Variants in ARHGEF11 observed in about 807,000 individuals in gnomAD.
ARHGEF11 encodes the protein Rho guanine exchange factor (GEF) 11.
ARHGEF11 carries 55 observed loss-of-function variants against 193.7 expected under a neutral mutation model. That is an observed-to-expected ratio of 0.28 (90% confidence interval 0.23 to 0.36). The LOEUF (loss-of-function observed/expected upper bound fraction) is 0.36. ARHGEF11 is among the 10% of genes least tolerant of loss of function. ARHGEF11 has a pLI of 1.00. For synonymous variants in ARHGEF11, 693 were observed against 768.0 expected (o/e 0.90, Z 1.62); for missense variants, 1,723 against 2,005.6 (o/e 0.86, Z 2.69).
intron 2 of ARHGEF11, among the ~76,000 whole-genome samples, chr1:156,984,769 C>T (rs1178991930): frequency 6.6e-6 from 1 of 152,064 alleles, no homozygotes; most frequent in African/African-American, 2.4e-5. Context: ...TCTAGCCATC[C>T]TCCTGAAGAC....
At chr1:156,954,771 A>C in intron 21 of ARHGEF11, 121 bp downstream of exon 21, 1 of 868,950 alleles carries the variant, frequency 1.2e-6, no homozygotes. Context: ...GAGAGAAGAA[A>C]GAAAGGGAGG....
intron 36 of ARHGEF11, 57 bp downstream of exon 36, chr1:156,940,150 C>G: frequency 6.6e-7 from 1 of 1,508,194 alleles, no homozygotes; most frequent in South Asian, 1.3e-5. Context: ...CCTGCCAGTT[C>G]ACACTGGGTG....
chr1:156,964,294 G>A (rs1571274916), intron 11 of ARHGEF11, among the ~76,000 whole-genome samples: 1 of 152,182 alleles, frequency 6.6e-6, no homozygotes, highest in Non-Finnish European at 1.5e-5. Flanking sequence ...CATGGATTAG[G>A]TATGATAAGA....
chr1:156,958,727 A>G lies in ARHGEF11; in HGVS notation c.1502+15T>C, dbSNP rs1660325608. The G allele has an allele frequency of 1.9e-6, 3 of 1,614,156 alleles. No homozygotes were observed. Among genetic ancestry groups the G allele is most frequent in the Non-Finnish European group, 2.5e-6 (3 of 1,180,024 alleles). On this transcript the variant is annotated intron_variant, in intron 17 of 40. Transcript: ENST00000368194. ...TAGGATGTTCAGTGGGGTGGGAGGA[A>G]GCTGAAAGACTCACAAAATATCTCC...
intron 1 of ARHGEF11, among the ~76,000 whole-genome samples, chr1:157,035,829 T>TACAGGA (rs1343688618): frequency 0.17 from 7 of 42 alleles, 2 homozygotes; most frequent in African/African-American, 0.5. Context: ...GGAATATATA[T>TACAGGA]ATGGAATATA....
In ARHGEF11 at chr1:156,941,365, C is replaced by T. The variant is rs546181678; in HGVS notation, c.3514+7G>A. 4 of 1,612,902 alleles carry T rather than the reference C, an allele frequency of 2.5e-6. No homozygotes were observed. Among genetic ancestry groups the T allele is most frequent in the African/African-American group, 2.7e-5 (2 of 74,840 alleles). ...CTGGCTCCCACAGGACAGTTCAGGG[C>T]CCTTACCTCCAGGCAGCTCCTCAGG... is the stretch of plus-strand genomic sequence containing the variant. On this transcript the variant is annotated splice_region_variant and intron_variant, in intron 35 of 40. Transcript: ENST00000368194.
Position 156,947,965 on chromosome 1 carries a change from A to G in ARHGEF11, c.2154-9T>C. On this transcript the variant is annotated splice_polypyrimidine_tract_variant and intron_variant, in intron 24 of 40. Coordinates refer to ENST00000368194, the MANE Select transcript of ARHGEF11 (RefSeq NM_198236.3). Reference sequence around the variant, plus strand: ...TGGGGGACTCAATGCTCCTGGGGGAAAACAGGCAGCTCAGCTTCATTTAGG... The same window carrying G: ...TGGGGGACTCAATGCTCCTGGGGGAGAACAGGCAGCTCAGCTTCATTTAGG... The G allele has an allele frequency of 6.2e-7, 1 of 1,611,318 alleles. No individual in the cohort carries two copies. The highest frequency in any genetic ancestry group is 8.5e-7 in the Non-Finnish European group (1 of 1,177,796).
Position 156,948,054 on chromosome 1 carries a change from A to G in ARHGEF11, c.2154-98T>C. ...TGCCCGACCTGCTTGCCCCATGCAC[A>G]TGGGAAACCAGTGGGCCCAGAAGAG... On this transcript the variant is annotated intron_variant, in intron 24 of 40. Transcript: ENST00000368194. The surrounding 1 kb of genome is among the most constrained non-coding windows in gnomAD (Gnocchi z 4.2). 3 of 1,544,034 alleles carry G rather than the reference A, an allele frequency of 1.9e-6. No homozygotes were observed. The highest frequency in any genetic ancestry group is 1.8e-5 in the Admixed American group (1 of 54,262).
intron 39 of ARHGEF11, 69 bp from the exon 40 acceptor site, chr1:156,937,074 G>C: frequency 6.3e-7 from 1 of 1,582,118 alleles, no homozygotes; most frequent in Non-Finnish European, 8.6e-7. Context: ...GAAGGGGTCT[G>C]TGCTGGGCCT....
At position 156,936,077 on chromosome 1, in the gene ARHGEF11, G is replaced by A. The variant is rs1384452262; in HGVS notation, c.4631-19C>T. 1 of 1,613,890 alleles carries A rather than the reference G, an allele frequency of 6.2e-7. No homozygotes were observed. The highest frequency in any genetic ancestry group is 1.3e-5 in the African/African-American group (1 of 75,016). ...TCAGAGCCTGTGGGAGGAGGATGAA[G>A]GTGAGGAACTGGCCAGCCTGAGGTG... On this transcript the variant is annotated intron_variant, in intron 40 of 40. Coordinates refer to ENST00000368194, the MANE Select transcript of ARHGEF11 (RefSeq NM_198236.3).
At position 157,031,594 on chromosome 1, in the gene ARHGEF11, G is replaced by A. The variant is rs74582487; in HGVS notation, c.32+12705C>T. Among the ~76,000 whole-genome samples the A allele has an allele frequency of 6.1e-3, 934 of 152,230 alleles. 8 individuals carry two copies. Among genetic ancestry groups the A allele is most frequent in the African/African-American group, 0.022 (895 of 41,516 alleles). On this transcript the variant is annotated intron_variant, in intron 1 of 40. Coordinates refer to ENST00000368194, the MANE Select transcript of ARHGEF11 (RefSeq NM_198236.3). ...GGAGAACCTGGAGATGATGAGAAAC[G>A]GCCCACTAATGCACAGGGCAAAAAG...
intron 37 of ARHGEF11, 140 bp downstream of exon 37, chr1:156,939,408 C>T (rs1656273292): frequency 8.4e-7 from 1 of 1,192,620 alleles, no homozygotes; most frequent in South Asian, 1.4e-5. Flanking sequence ...TCGGCGTTGT[C>T]TCCTTCTTCC....
rs1324971976 is a variant in ARHGEF11 at position 157,036,571 on chromosome 1, C to CTCGGCCTCCCAAAGTGCTGGGATT, written c.32+7704_32+7727dup. Among the ~76,000 whole-genome samples the CTCGGCCTCCCAAAGTGCTGGGATT allele has an allele frequency of 1.6e-4, 24 of 152,216 alleles. No homozygotes were observed. In the East Asian group the frequency reaches 4.1e-3, roughly 26 times the overall value. On this transcript the variant is annotated intron_variant, in intron 1 of 40. Coordinates refer to ENST00000368194, the MANE Select transcript of ARHGEF11 (RefSeq NM_198236.3). ...GCCTCACCTCAGGTAATCCACCCAC[C>CTCGGCCTCCCAAAGTGCTGGGATT]TCGGCCTCCCAAAGTGCTGGGATTA...
chr1:157,025,087 C>T (rs1557972718), intron 1 of ARHGEF11, among the ~76,000 whole-genome samples: 1 of 152,220 alleles, frequency 6.6e-6, no homozygotes, highest in Non-Finnish European at 1.5e-5. Flanking sequence ...CAATGAACAT[C>T]TCTTGCTGAA....
rs199728828 is a variant in ARHGEF11 at position 156,936,024 on chromosome 1, G to A, written c.4665C>T (p.Asp1555=). 5.0e-6 allele frequency: 8 copies of A among 1,613,836 alleles called. No individual in the cohort carries two copies. The highest frequency in any genetic ancestry group is 2.2e-5 in the East Asian group (1 of 44,872). ...SDAPLEDSTA[D]AAASPGP ...GTTATGGTCCTGGTGACGCGGCTGCGTCTGCTGTGCTGTCTTCCAGGGGGG... is the reference window on the plus strand; with the variant it reads ...GTTATGGTCCTGGTGACGCGGCTGCATCTGCTGTGCTGTCTTCCAGGGGGG... The change falls in exon 41 of 41, where the codon GAC becomes GAT. Residue 1555 remains aspartate (D), a synonymous_variant. Transcript: ENST00000368194.
At chr1:157,028,573 C>T (rs1670929688) in intron 1 of ARHGEF11, among the ~76,000 whole-genome samples, 1 of 152,002 alleles carries the variant, frequency 6.6e-6, no homozygotes, top group Non-Finnish European at 1.5e-5. Context: ...ATATTTGAAT[C>T]GATCTCAGAG....
At chr1:157,035,937 ATC>A (rs3048567) in intron 1 of ARHGEF11, among the ~76,000 whole-genome samples, 877 of 74,894 alleles carry the variant, frequency 0.012, 122 homozygotes, top group Middle Eastern at 0.057. Flanking sequence ...ATATATATGA[ATC>A]TATATATAGG....
At position 156,979,685 on chromosome 1, in the gene ARHGEF11, A is replaced by C. The variant is rs1663844386; in HGVS notation, c.274-399T>G. On this transcript the variant is annotated intron_variant, in intron 4 of 40. Coordinates refer to ENST00000368194, the MANE Select transcript of ARHGEF11 (RefSeq NM_198236.3). ...GGCCCAAAATGCCATGTTTTTAGGA[A>C]GCCATTTTCCAATGCTCTTTAGCCT... Among the ~76,000 whole-genome samples the C allele has an allele frequency of 2.6e-5, 4 of 152,266 alleles. No homozygotes were observed. In the South Asian group the frequency reaches 8.3e-4, roughly 32 times the overall value.
intron 6 of ARHGEF11, 84 bp from the exon 7 acceptor site, chr1:156,977,138 G>C (rs1002777165): frequency 3.0e-5 from 35 of 1,176,344 alleles, no homozygotes; most frequent in Non-Finnish European, 4.0e-5. Flanking sequence ...TCCTGGGCAA[G>C]GACAGCTATG....
Sources: allele counts gnomAD v4.1 joint callset (sites outside exome capture counted in the v4.1 genomes callset), GRCh38; gene constraint gnomAD v4.1.1; non-coding constraint Gnocchi (gnomAD v3.1); transcripts MANE v1.5; gene names NCBI Gene and HGNC (gene_info 2026-07-23, HGNC 2026-07-21).